The following HEPHL1 variants were observed in gnomAD, a reference collection of about 807,000 sequenced individuals.
HEPHL1 encodes hephaestin like 1, also known as ferroxidase HEPHL1.
HEPHL1 carries 123 observed loss-of-function variants against 122.0 expected under a neutral mutation model. The observed-to-expected ratio is 1.01, with a 90% CI of 0.87 to 1.17. HEPHL1 has a LOEUF of 1.17. Among genes scored for constraint, HEPHL1 ranks in the 50% most tolerant of loss-of-function variants. The pLI, the probability that HEPHL1 is intolerant of heterozygous loss-of-function variation, is 0.00. For missense variants in HEPHL1, 1,452 were observed against 1,430.5 expected (o/e 1.01, Z -0.24); for synonymous variants, 527 against 508.9 (o/e 1.04, Z -0.48).
Position 94,061,647 on chromosome 11 carries a change from G to A in HEPHL1, c.416-1861G>A, listed in dbSNP as rs1440573849. ...CGTTAGATAAGTATCAAGTGAGAAAGCGGCAAATACATTAATTTAACTTTG... is the reference window on the plus strand; with the variant it reads ...CGTTAGATAAGTATCAAGTGAGAAAACGGCAAATACATTAATTTAACTTTG... On this transcript the variant is annotated intron_variant, in intron 2 of 19. Transcript: ENST00000315765. Among the ~76,000 whole-genome samples the A allele has an allele frequency of 3.3e-5, 5 of 152,214 alleles. No individual in the cohort carries two copies. The South Asian group carries it at 6.2e-4, about 19-fold the overall frequency.
chr11:94,082,330 A>T, intron 9 of HEPHL1, 88 bp from the exon 10 acceptor site: 1 of 958,972 alleles, frequency 1.0e-6, no homozygotes, highest in Non-Finnish European at 1.5e-6. Context: ...CTGACTTATT[A>T]ATATTTTGTG....
chr11:94,069,515 T>C (rs1166501168), intron 5 of HEPHL1, among the ~76,000 whole-genome samples: 1 of 152,152 alleles, frequency 6.6e-6, no homozygotes, highest in Non-Finnish European at 1.5e-5. Context: ...TTTCTTAATA[T>C]GTAAATATAT....
intron 1 of HEPHL1, among the ~76,000 whole-genome samples, chr11:94,024,685 A>G (rs1945609167): frequency 6.6e-6 from 1 of 151,984 alleles, no homozygotes; most frequent in Non-Finnish European, 1.5e-5. Context: ...CTAACCACTC[A>G]TGGAGCTTGG....
At chr11:94,028,408 A>C (rs1021404248) in intron 1 of HEPHL1, among the ~76,000 whole-genome samples, 3 of 152,216 alleles carry the variant, frequency 2.0e-5, no homozygotes, top group East Asian at 3.8e-4. Flanking sequence ...ACTCCTGAGA[A>C]TCTAACCTGG....
At chr11:94,054,193 A>G (rs1164209699) in intron 2 of HEPHL1, among the ~76,000 whole-genome samples, 1 of 152,246 alleles carries the variant, frequency 6.6e-6, no homozygotes, top group Admixed American at 6.5e-5. Flanking sequence ...TCTCTGAACA[A>G]GGAAGCCAGG....
At chr11:94,076,496 G>A (rs911320039) in intron 9 of HEPHL1, among the ~76,000 whole-genome samples, 5 of 152,092 alleles carry the variant, frequency 3.3e-5, no homozygotes, top group South Asian at 2.1e-4. Context: ...TTTTGCCCCC[G>A]CTGTGTCCGT....
chr11:94,075,232 A>G lies in HEPHL1; in HGVS notation c.1563A>G (p.Thr521=). 9 of 1,613,478 alleles carry G rather than the reference A, an allele frequency of 5.6e-6. No homozygotes were observed. The highest frequency in any genetic ancestry group is 7.6e-6 in the Non-Finnish European group (9 of 1,179,622). The part of the protein sequence containing the change: ...KPGETFTYKW[T]VPESVSPTAG... ...GTGAAACCTTCACATACAAGTGGAC[A>G]GTGCCTGAGAGCGTAAGCCCAACTG... Residue 521 remains threonine (T), a synonymous_variant, in exon 9 of 20, where the codon ACA becomes ACG. Coordinates refer to ENST00000315765, the MANE Select transcript of HEPHL1 (RefSeq NM_001098672.2).
chr11:94,087,655 C>CA (rs1946229056), intron 11 of HEPHL1, among the ~76,000 whole-genome samples: 1 of 151,978 alleles, frequency 6.6e-6, no homozygotes, highest in Non-Finnish European at 1.5e-5. Flanking sequence ...ATTGAAGTGC[C>CA]ATGATCAATA....
chr11:94,070,591 T>C (rs1486243627), intron 6 of HEPHL1, 49 bp downstream of exon 6: 4 of 1,461,492 alleles, frequency 2.7e-6, no homozygotes, highest in Non-Finnish European at 3.8e-6. Context: ...GAGAAGCATG[T>C]GTTAGGCTTT....
chr11:94,048,897 G>C (rs1945863937), intron 2 of HEPHL1, among the ~76,000 whole-genome samples: 1 of 152,084 alleles, frequency 6.6e-6, no homozygotes, highest in Non-Finnish European at 1.5e-5. Flanking sequence ...GAGGTGGGTG[G>C]ATCACCTGAG....
At chr11:94,111,633 G>A (rs1467573079) in intron 19 of HEPHL1, 28 bp downstream of exon 19, 2 of 1,608,658 alleles carry the variant, frequency 1.2e-6, no homozygotes, top group Non-Finnish European at 8.5e-7. Context: ...CCATGTAAAT[G>A]AGTCAACATT....
intron 1 of HEPHL1, among the ~76,000 whole-genome samples, chr11:94,039,799 A>G (rs1238098504): frequency 4.2e-5 from 6 of 142,930 alleles, no homozygotes; most frequent in Non-Finnish European, 7.6e-5. Flanking sequence ...CCCTAACATC[A>G]CAATTAAAAG....
chr11:94,103,106 G>A, intron 15 of HEPHL1, 86 bp downstream of exon 15: 1 of 771,108 alleles, frequency 1.3e-6, no homozygotes, highest in Non-Finnish European at 2.3e-6. Context: ...GTTGGTATAT[G>A]TGAAAGCGTA....
At chr11:94,066,455 G>A (rs951177989) in intron 4 of HEPHL1, among the ~76,000 whole-genome samples, 27 of 151,994 alleles carry the variant, frequency 1.8e-4, no homozygotes, top group Admixed American at 1.3e-3. Flanking sequence ...TGGGGAGGCT[G>A]AGGCACAAGA....
intron 1 of HEPHL1, among the ~76,000 whole-genome samples, chr11:94,036,819 AC>A (rs1303334793): frequency 6.7e-6 from 1 of 148,234 alleles, no homozygotes; most frequent in Non-Finnish European, 1.5e-5. Flanking sequence ...AGCCTGGGCA[AC>A]AGAGCAAGAC....
At chr11:94,064,240 C>T (rs1946014035) in intron 3 of HEPHL1, 91 bp from the exon 4 acceptor site, 11 of 974,878 alleles carry the variant, frequency 1.1e-5, no homozygotes, top group Non-Finnish European at 1.7e-5. Context: ...AGGTCTTCAC[C>T]AAACTTCACA....
chr11:94,073,126 A>G lies in HEPHL1; in HGVS notation c.1334A>G (p.Lys445Arg). ...EFVDATFTKRKRLSAEEAHLG... is the reference protein window; with the variant it reads ...EFVDATFTKRRRLSAEEAHLG... ...GTTGATGCAACTTTTACTAAAAGAA[A>G]GAGACTCTCTGCTGAAGAAGCCCAT... The change falls in exon 7 of 20, where the codon AAG (lysine) becomes AGG (arginine). Residue 445 changes from lysine to arginine, a missense_variant. Physicochemically the swap from Lys to Arg is conservative, Grantham distance 26. Transcript: ENST00000315765. 1 of 1,613,270 alleles carries G rather than the reference A, an allele frequency of 6.2e-7. No homozygotes were observed. Among genetic ancestry groups the G allele is most frequent in the Non-Finnish European group, 8.5e-7 (1 of 1,179,496 alleles).
chr11:94,052,062 T>C (rs1945894808), intron 2 of HEPHL1, among the ~76,000 whole-genome samples: 1 of 152,140 alleles, frequency 6.6e-6, no homozygotes. Flanking sequence ...TAATTTGAAG[T>C]CAGGTAATGT....
At chr11:94,070,745 G>A (rs1030717113) in intron 6 of HEPHL1, among the ~76,000 whole-genome samples, 1 of 152,006 alleles carries the variant, frequency 6.6e-6, no homozygotes. Context: ...GTGACTTGAC[G>A]GCTGAATCAA....
Sources: gnomAD v4.1 joint callset for allele counts (sites outside exome capture counted in the v4.1 genomes callset) on GRCh38, gnomAD v4.1.1 for gene constraint, MANE v1.5 for transcripts, NCBI Gene and HGNC (gene_info 2026-07-23, HGNC 2026-07-21) for gene names.